ADGRB3: variants seen among roughly 807,000 people sequenced by gnomAD.
ADGRB3 encodes the protein brain-specific angiogenesis inhibitor 3.
A neutral mutation model predicts 193.4 loss-of-function variants in ADGRB3; 37 were observed. That is an observed-to-expected ratio of 0.19 (90% CI 0.15 to 0.25). The LOEUF is 0.25. Among genes scored for constraint, ADGRB3 ranks in the 10% least tolerant of loss-of-function variants. The pLI is 1.00. For missense variants in ADGRB3, 1,637 were observed against 1,852.9 expected, an observed-to-expected ratio of 0.88 and a Z score of 2.14; for synonymous variants, 690 against 644.2, an observed-to-expected ratio of 1.07 and a Z score of -1.08.
chr6:69,324,139 T>C (rs999224830), intron 20 of ADGRB3, among the ~76,000 whole-genome samples: 22 of 152,138 alleles, frequency 1.4e-4, no homozygotes, highest in African/African-American at 5.3e-4. Context: ...GAGTCACAAC[T>C]AATGATAAGC....
At chr6:69,373,397 A>G (rs908408345) in intron 30 of ADGRB3, among the ~76,000 whole-genome samples, 27 of 152,158 alleles carry the variant, frequency 1.8e-4, no homozygotes, top group Admixed American at 5.9e-4. Context: ...ATTTACTGCA[A>G]TGGTCAACAA....
chr6:68,698,054 C>A (rs991957557), intron 3 of ADGRB3, among the ~76,000 whole-genome samples: 1 of 151,554 alleles, frequency 6.6e-6, no homozygotes, highest in Non-Finnish European at 1.5e-5. Context: ...GCTGGCTACA[C>A]AAATGCTATA....
chr6:69,365,403 T>G (rs1410886060), intron 29 of ADGRB3, among the ~76,000 whole-genome samples: 7 of 152,052 alleles, frequency 4.6e-5, no homozygotes, highest in Non-Finnish European at 1.0e-4. Context: ...TCTCTTTGTA[T>G]CTGTCCAGCC....
chr6:68,875,891 C>A (rs72902977), intron 3 of ADGRB3, among the ~76,000 whole-genome samples: 20,487 of 151,350 alleles, frequency 0.14, 1,824 homozygotes, highest in Middle Eastern at 0.2. Context: ...ACCATATTTC[C>A]CCCATATGAT....
intron 17 of ADGRB3, among the ~76,000 whole-genome samples, chr6:69,225,633 T>A (rs1192807700): frequency 6.6e-6 from 1 of 152,220 alleles, no homozygotes; most frequent in Non-Finnish European, 1.5e-5. Context: ...GTCCAGGGCT[T>A]GCATGGCTAT....
chr6:69,358,404 G>T (rs1038277374), intron 28 of ADGRB3, among the ~76,000 whole-genome samples: 1 of 151,840 alleles, frequency 6.6e-6, no homozygotes, highest in Admixed American at 6.6e-5. Flanking sequence ...TATTTATCTT[G>T]TTCTCCTTCA....
At chr6:69,310,965 C>G (rs1768177074) in intron 20 of ADGRB3, among the ~76,000 whole-genome samples, 1 of 151,594 alleles carries the variant, frequency 6.6e-6, no homozygotes, top group South Asian at 2.1e-4. Context: ...GACTAAAGTA[C>G]CCTGACCATA....
rs1408945043 is a variant in ADGRB3, at chr6:69,018,451, A to G, written c.2059A>G (p.Met687Val). 1.2e-6 allele frequency: 2 copies of G among 1,609,164 alleles called. No homozygotes were observed. Among genetic ancestry groups the G allele is most frequent in the Admixed American group, 1.7e-5 (1 of 59,866 alleles). Residue 687 changes from methionine to valine, a missense_variant, in exon 13 of 32, where the codon ATG (methionine) becomes GTG (valine). Transcript: ENST00000370598. ...VIEDFIHIVG[M>V]GMMDFQNSYL... ...TGAAGATTTTATACACATTGTTGGA[A>G]TGGGGATGATGGACTTTCAGAATTC...
At chr6:68,721,987 A>G (rs1253711648) in intron 3 of ADGRB3, among the ~76,000 whole-genome samples, 2 of 151,264 alleles carry the variant, frequency 1.3e-5, no homozygotes, top group African/African-American at 4.9e-5. Flanking sequence ...TTATGAAACA[A>G]TTTTCTTCAT....
chr6:68,995,078 A>G (rs2150275814), intron 11 of ADGRB3, among the ~76,000 whole-genome samples: 1 of 152,306 alleles, frequency 6.6e-6, no homozygotes, highest in South Asian at 2.1e-4. Context: ...TTAAATCACC[A>G]CTGTCCGTAT....
At chr6:68,844,166 C>G (rs1768225998) in intron 3 of ADGRB3, among the ~76,000 whole-genome samples, 1 of 151,838 alleles carries the variant, frequency 6.6e-6, no homozygotes, top group Admixed American at 6.6e-5. Flanking sequence ...CAAAAATGGA[C>G]AAATGGTATT....
chr6:68,843,832 C>T (rs749072894), intron 3 of ADGRB3, among the ~76,000 whole-genome samples: 24 of 152,160 alleles, frequency 1.6e-4, no homozygotes, highest in Non-Finnish European at 2.9e-4. Context: ...GACACATAGA[C>T]CAATAGAACA....
intron 3 of ADGRB3, among the ~76,000 whole-genome samples, chr6:68,700,909 A>T (rs1397385926): frequency 6.6e-6 from 1 of 151,986 alleles, no homozygotes; most frequent in Non-Finnish European, 1.5e-5. Context: ...AACATGGCAC[A>T]TGTATACATA....
intron 17 of ADGRB3, among the ~76,000 whole-genome samples, chr6:69,206,044 G>GTTATATATAT (rs1561952181): frequency 2.3e-5 from 1 of 43,670 alleles, no homozygotes. Context: ...ATATAATAAT[G>GTTATATATAT]GTATATATAT....
intron 3 of ADGRB3, among the ~76,000 whole-genome samples, chr6:68,687,414 A>G (rs1302581901): frequency 6.6e-6 from 1 of 152,218 alleles, no homozygotes; most frequent in Non-Finnish European, 1.5e-5. Context: ...AAATAAGCTT[A>G]TAATAATTTA....
At chr6:69,050,200 A>G (rs1215639282) in intron 15 of ADGRB3, among the ~76,000 whole-genome samples, 1 of 152,178 alleles carries the variant, frequency 6.6e-6, no homozygotes, top group Admixed American at 6.6e-5. Context: ...TCTAATAAAT[A>G]AAAACAATTA....
At chr6:69,173,277 A>G (rs1215252331) in intron 17 of ADGRB3, among the ~76,000 whole-genome samples, 2 of 152,146 alleles carry the variant, frequency 1.3e-5, no homozygotes, top group East Asian at 1.9e-4. Flanking sequence ...ACCTCAGGTG[A>G]TCCACCCACC....
intron 16 of ADGRB3, among the ~76,000 whole-genome samples, chr6:69,070,722 C>T (rs370732442): frequency 1.3e-5 from 2 of 152,150 alleles, no homozygotes; most frequent in Non-Finnish European, 2.9e-5. Flanking sequence ...TCTACATTTT[C>T]AGTATGCATC....
intron 15 of ADGRB3, among the ~76,000 whole-genome samples, chr6:69,049,632 G>A (rs973029502): frequency 1.1e-4 from 16 of 152,046 alleles, no homozygotes; most frequent in Non-Finnish European, 2.1e-4. Context: ...AAAATCACAA[G>A]TGTCTATAAT....
Sources: gnomAD v4.1 joint callset for allele counts (sites outside exome capture counted in the v4.1 genomes callset) on GRCh38, gnomAD v4.1.1 for gene constraint, MANE v1.5 for transcripts, NCBI Gene and HGNC (gene_info 2026-07-23, HGNC 2026-07-21) for gene names.